The following DACH2 variants were observed in gnomAD, a reference collection of about 807,000 sequenced individuals.
The protein encoded by DACH2 is dachshund family transcription factor 2.
In DACH2, 17 loss-of-function variants were observed where a neutral mutation model predicts 35.8. The observed-to-expected ratio is 0.48, with a 90% CI of 0.33 to 0.71. The LOEUF (loss-of-function observed/expected upper bound fraction) is 0.71, where lower values mean the gene tolerates loss of function less well. Among genes scored for constraint, DACH2 ranks in the 30% least tolerant of loss-of-function variants. The probability of loss-of-function intolerance (pLI) is 0.02; values close to 1 mark genes in which losing one functional copy is unlikely to be tolerated. For missense variants in DACH2, 469 were observed against 472.7 expected, an observed-to-expected ratio of 0.99 and a Z score of 0.07; for synonymous variants, 195 against 177.3, an observed-to-expected ratio of 1.10 and a Z score of -0.79.
intron 4 of DACH2, among the ~76,000 whole-genome samples, chrX:86,660,151 C>T (rs764301127): frequency 3.1e-4 from 35 of 111,521 alleles, no homozygotes; most frequent in Non-Finnish European, 5.7e-4. Flanking sequence ...CTGCTGGGAA[C>T]TCTCTTCAGG....
chrX:86,365,152 C>T (rs1380843998), intron 1 of DACH2, among the ~76,000 whole-genome samples: 1 of 110,924 alleles, frequency 9.0e-6, no homozygotes, highest in Non-Finnish European at 1.9e-5. Context: ...CTTCAATAAA[C>T]TCCCTGGATA....
chrX:86,442,032 C>A (rs2037172214), intron 2 of DACH2, among the ~76,000 whole-genome samples: 1 of 109,543 alleles, frequency 9.1e-6, no homozygotes, highest in East Asian at 2.9e-4. Flanking sequence ...GCCCAGTTAT[C>A]CTTTTAACAT....
rs2042574955 is a variant in DACH2 at position 86,827,679 on chromosome X, G to A, written c.1751-4427G>A. ...GCGAAATACTATAAAGTGAGTTTGT[G>A]GTTTTCAGTGAAGTGCATTGAGTAG... On this transcript the variant is annotated intron_variant, in intron 11 of 11. Transcript: ENST00000373125. The A allele has an allele frequency of 7.6e-6, 6 of 793,097 alleles. No homozygotes were observed. In the Middle Eastern group the frequency reaches 8.3e-4, roughly 110 times the overall value. The allele number at this position is 793,097 out of a possible 1,213,427, so 65.4% of individuals were successfully genotyped here.
chrX:86,305,147 T>C, intron 1 of DACH2: 1 of 136,073 alleles, frequency 7.3e-6, no homozygotes. Context: ...AGCCTCACCC[T>C]TTTTGGGGGG....
chrX:86,663,695 C>A (rs1445546927), intron 4 of DACH2, among the ~76,000 whole-genome samples: 2 of 111,979 alleles, frequency 1.8e-5, no homozygotes, highest in Non-Finnish European at 3.8e-5. Context: ...TGCCTAACTT[C>A]TCTTTCTTGG....
chrX:86,741,120 GT>G (rs758306250), intron 7 of DACH2, among the ~76,000 whole-genome samples: 2 of 111,432 alleles, frequency 1.8e-5, no homozygotes, highest in Admixed American at 1.9e-4. Context: ...AACTCTGAAT[GT>G]TTACAGCTCA....
At chrX:86,296,161 C>G (rs926506733) in intron 1 of DACH2, among the ~76,000 whole-genome samples, 38 of 106,901 alleles carry the variant, frequency 3.6e-4, no homozygotes, top group Admixed American at 2.6e-3. Context: ...GGGCGGATCA[C>G]GAGGTCAGGA....
chrX:86,647,922 G>A (rs1027614965), intron 3 of DACH2, among the ~76,000 whole-genome samples: 5 of 110,780 alleles, frequency 4.5e-5, no homozygotes, highest in African/African-American at 1.6e-4. Flanking sequence ...AAAAAGAAGA[G>A]TGTAGAGTAC....
At chrX:86,427,447 G>A (rs1260119947) in intron 2 of DACH2, among the ~76,000 whole-genome samples, 1 of 110,928 alleles carries the variant, frequency 9.0e-6, no homozygotes, top group East Asian at 2.8e-4. Flanking sequence ...AATTTGTTCT[G>A]AGCGTGTAGT....
chrX:86,449,810 C>G (rs1402373705), intron 2 of DACH2, among the ~76,000 whole-genome samples: 1 of 111,317 alleles, frequency 9.0e-6, no homozygotes, highest in Non-Finnish European at 1.9e-5. Flanking sequence ...TCTTTGACAT[C>G]ATAATTTATG....
chrX:86,163,795 A>G (rs2030848814), intron 1 of DACH2, among the ~76,000 whole-genome samples: 1 of 111,559 alleles, frequency 9.0e-6, no homozygotes, highest in Non-Finnish European at 1.9e-5. Context: ...CGTGGTGTAT[A>G]TGTATCACTT....
In DACH2 at chrX:86,510,148, T is replaced by C. The variant is rs1040153024; in HGVS notation, c.528-4131T>C. Among the ~76,000 whole-genome samples, 3 of 112,260 alleles carry C rather than the reference T, an allele frequency of 2.7e-5. No homozygotes were observed. The Admixed American group carries it at 2.9e-4, about 11-fold the overall frequency. On this transcript the variant is annotated intron_variant, in intron 2 of 11. Transcript: ENST00000373125. ...TTAAATATCTTTAAAGCTTATGACA[T>C]CATTAATTAATTAACTGGATTTTTT...
chrX:86,381,303 G>T (rs1256004552), intron 2 of DACH2, among the ~76,000 whole-genome samples: 1 of 110,500 alleles, frequency 9.0e-6, no homozygotes, highest in African/African-American at 3.3e-5. Context: ...ATTCTCTTAC[G>T]ATTATACACA....
intron 7 of DACH2, among the ~76,000 whole-genome samples, chrX:86,772,162 T>C (rs1241729381): frequency 9.0e-6 from 1 of 111,641 alleles, no homozygotes; most frequent in Non-Finnish European, 1.9e-5. Flanking sequence ...ATAAAGGAGA[T>C]AATTAATGTT....
At chrX:86,635,344 A>C (rs1488934480) in intron 3 of DACH2, among the ~76,000 whole-genome samples, 1 of 104,695 alleles carries the variant, frequency 9.6e-6, no homozygotes, top group Non-Finnish European at 2.0e-5. Flanking sequence ...AAAAAAAAAA[A>C]AAACCTCTCA....
At chrX:86,580,676 G>A (rs2039490956) in intron 3 of DACH2, among the ~76,000 whole-genome samples, 1 of 111,563 alleles carries the variant, frequency 9.0e-6, no homozygotes, top group Admixed American at 9.5e-5. Context: ...AAGTCGGTCA[G>A]ATAAAACTAA....
At chrX:86,666,160 AT>A (rs1193836492) in intron 4 of DACH2, among the ~76,000 whole-genome samples, 6 of 111,194 alleles carry the variant, frequency 5.4e-5, no homozygotes, top group Admixed American at 1.9e-4. Flanking sequence ...TTGCTTCTGG[AT>A]GATATTTTCT....
At chrX:86,428,448 A>C (rs2036929461) in intron 2 of DACH2, among the ~76,000 whole-genome samples, 1 of 112,100 alleles carries the variant, frequency 8.9e-6, no homozygotes, top group Non-Finnish European at 1.9e-5. Context: ...TACAAAAGCC[A>C]CCATGCTAAT....
intron 2 of DACH2, among the ~76,000 whole-genome samples, chrX:86,506,697 C>T (rs1021855733): frequency 5.4e-5 from 6 of 111,916 alleles, no homozygotes; most frequent in Non-Finnish European, 9.4e-5. Flanking sequence ...CCTGGCTCTC[C>T]TCTCCACTTT....
Sources: allele counts gnomAD v4.1 joint callset (sites outside exome capture counted in the v4.1 genomes callset), GRCh38; gene constraint gnomAD v4.1.1; transcripts MANE v1.5; gene names NCBI Gene and HGNC (gene_info 2026-07-23, HGNC 2026-07-21).